SUSD1: variants seen among roughly 807,000 people sequenced by gnomAD.
SUSD1 encodes the protein sushi domain-containing protein 1.
A neutral mutation model predicts 86.9 loss-of-function variants in SUSD1; 65 were observed. The observed-to-expected ratio is 0.75, with a 90% CI of 0.61 to 0.92. The LOEUF is 0.92. Among genes scored for constraint, SUSD1 ranks in the 40% least tolerant of loss-of-function variants. SUSD1 has a pLI of 0.00. For missense variants in SUSD1, 850 were observed against 929.7 expected (o/e 0.91, Z 1.11); for synonymous variants, 346 against 350.0 (o/e 0.99, Z 0.13).
intron 2 of SUSD1, among the ~76,000 whole-genome samples, chr9:112,154,905 A>G (rs1331975650): frequency 2.0e-5 from 3 of 152,170 alleles, no homozygotes; most frequent in African/African-American, 7.2e-5. Context: ...GTAGTACCAC[A>G]TAAATTAATA....
intron 12 of SUSD1, among the ~76,000 whole-genome samples, chr9:112,073,635 C>A (rs2131540694): frequency 6.6e-6 from 1 of 152,118 alleles, no homozygotes; most frequent in Non-Finnish European, 1.5e-5. Flanking sequence ...GCCTGTAATC[C>A]CAGCACTTTG....
chr9:112,104,218 C>G (rs984173603), intron 8 of SUSD1, among the ~76,000 whole-genome samples: 4 of 151,834 alleles, frequency 2.6e-5, no homozygotes, highest in African/African-American at 9.7e-5. Context: ...AGGGTTTCAC[C>G]ATGTCCCCAG....
At chr9:112,107,735 A>G (rs563161482) in intron 8 of SUSD1, among the ~76,000 whole-genome samples, 23 of 152,356 alleles carry the variant, frequency 1.5e-4, no homozygotes, top group African/African-American at 5.5e-4. Flanking sequence ...ACAGGCTAAA[A>G]TAAGCCATTT....
chr9:112,156,653 C>T (rs1833340971), intron 2 of SUSD1, among the ~76,000 whole-genome samples: 1 of 152,086 alleles, frequency 6.6e-6, no homozygotes, highest in South Asian at 2.1e-4. Flanking sequence ...TCAAGTGATC[C>T]TCCCACCTCA....
At chr9:112,154,657 C>A (rs1056985882) in intron 2 of SUSD1, among the ~76,000 whole-genome samples, 2 of 152,156 alleles carry the variant, frequency 1.3e-5, no homozygotes, top group East Asian at 1.9e-4. Flanking sequence ...AGAAACAAGT[C>A]CAGCTGTCCA....
intron 12 of SUSD1, among the ~76,000 whole-genome samples, chr9:112,077,399 G>T (rs7862743): frequency 0.13 from 20,228 of 151,874 alleles, 1,682 homozygotes; most frequent in African/African-American, 0.23. Flanking sequence ...GTGAAGTGGG[G>T]GTCACAGATG....
chr9:112,063,182 T>C (rs1276807996), intron 12 of SUSD1, 149 bp from the exon 13 acceptor site: 4 of 495,576 alleles, frequency 8.1e-6, no homozygotes, highest in Non-Finnish European at 1.5e-5. Flanking sequence ...TGGAAGAACA[T>C]GCTAAGTGAA....
intron 6 of SUSD1, among the ~76,000 whole-genome samples, chr9:112,120,652 A>G (rs995586484): frequency 6.6e-6 from 1 of 152,260 alleles, no homozygotes; most frequent in Non-Finnish European, 1.5e-5. Flanking sequence ...CCATGGAAAC[A>G]GCTGCAGCTG....
rs556689578 is a variant in SUSD1, at chr9:112,047,185, C to T, written c.2149+5214G>A. 3.9e-5 allele frequency among the ~76,000 whole-genome samples: 6 copies of T among 152,270 alleles called. No individual in the cohort carries two copies. In the East Asian group the frequency reaches 9.6e-4, roughly 24 times the overall value. ...AGGCAGAAGGTGAAGGGGAAGCAGG[C>T]ACAGTCTTCACATGGCCAGAGCAGG... On this transcript the variant is annotated intron_variant, in intron 15 of 16. Transcript: ENST00000374270.
At chr9:112,130,233 T>C (rs773526614) in intron 5 of SUSD1, among the ~76,000 whole-genome samples, 4 of 151,908 alleles carry the variant, frequency 2.6e-5, no homozygotes, top group African/African-American at 9.7e-5. Context: ...ATCAGTCAGG[T>C]GTGGTGGCGC....
intron 6 of SUSD1, among the ~76,000 whole-genome samples, chr9:112,115,824 G>GAAAAAAAAAAAAAAAAAGA (rs58111856): frequency 8.3e-6 from 1 of 120,956 alleles, no homozygotes; most frequent in African/African-American, 3.1e-5. Flanking sequence ...AAAAAAAAAA[G>GAAAAAAAAAAAAAAAAAGA]AAAAAAAAAA....
chr9:112,128,922 G>C (rs991048827), intron 5 of SUSD1, among the ~76,000 whole-genome samples: 7 of 152,084 alleles, frequency 4.6e-5, no homozygotes, highest in Admixed American at 6.6e-5. Flanking sequence ...AACCACACAG[G>C]GCCTTATAAA....
chr9:112,078,363 A>T (rs1829612370), intron 12 of SUSD1, among the ~76,000 whole-genome samples, 175 bp downstream of exon 12: 1 of 152,172 alleles, frequency 6.6e-6, no homozygotes, highest in African/African-American at 2.4e-5. Context: ...AAAAAGAATG[A>T]AACATAACAG....
chr9:112,125,331 G>A (rs1308610252), intron 5 of SUSD1, among the ~76,000 whole-genome samples: 3 of 152,038 alleles, frequency 2.0e-5, no homozygotes, highest in Admixed American at 6.5e-5. Flanking sequence ...GTTGAACAAT[G>A]TAAAATAATA....
intron 10 of SUSD1, among the ~76,000 whole-genome samples, chr9:112,097,436 T>C (rs1044604355): frequency 6.0e-5 from 9 of 148,854 alleles, no homozygotes; most frequent in Non-Finnish European, 1.3e-4. Context: ...TTGGCTCTTG[T>C]TGCCCAAGCT....
At chr9:112,140,893 A>C (rs1589714516) in intron 5 of SUSD1, among the ~76,000 whole-genome samples, 2 of 152,344 alleles carry the variant, frequency 1.3e-5, no homozygotes, top group Admixed American at 1.3e-4. Context: ...TTCACACAGC[A>C]TGTTACTATA....
chr9:112,167,620 C>T lies in SUSD1; in HGVS notation c.103+7513G>A, dbSNP rs183014882. The stretch of plus-strand genomic sequence containing the variant: ...TGGTTACAAGCGCTTGGGTTAGTTA[C>T]GATCCTAGCTATGCCACTTACTAGC... On this transcript the variant is annotated intron_variant, in intron 1 of 16. Transcript: ENST00000374270. Among the ~76,000 whole-genome samples the T allele has an allele frequency of 4.6e-5, 7 of 152,298 alleles. 1 individual carries two copies. Among genetic ancestry groups the T allele is most frequent in the African/African-American group, 1.4e-4 (6 of 41,564 alleles).
chr9:112,137,234 T>C (rs1056986329), intron 5 of SUSD1, among the ~76,000 whole-genome samples: 1 of 151,482 alleles, frequency 6.6e-6, no homozygotes, highest in Non-Finnish European at 1.5e-5. Context: ...GGCACAGCAG[T>C]GAGAAACCGA....
chr9:112,110,988 G>T (rs72762077), intron 8 of SUSD1, among the ~76,000 whole-genome samples: 20,337 of 151,602 alleles, frequency 0.13, 1,498 homozygotes, highest in Admixed American at 0.2. Context: ...TGGCTTTTTG[G>T]TTTTTTTGGG....
Sources: allele counts gnomAD v4.1 joint callset (sites outside exome capture counted in the v4.1 genomes callset), GRCh38; gene constraint gnomAD v4.1.1; transcripts MANE v1.5; gene names NCBI Gene and HGNC (gene_info 2026-07-23, HGNC 2026-07-21).